Variants in SUPT3H observed in about 807,000 individuals in gnomAD.
The protein encoded by SUPT3H is SPT3 homolog, SAGA and STAGA complex component.
In SUPT3H, 44 loss-of-function variants were observed where a neutral mutation model predicts 44.3. The observed-to-expected ratio is 0.99, with a 90% CI of 0.78 to 1.28. SUPT3H has a LOEUF of 1.28. SUPT3H is among the 50% of genes most tolerant of loss of function. SUPT3H has a pLI of 0.00. For missense variants in SUPT3H, 380 were observed against 387.1 expected (o/e 0.98, Z 0.15); for synonymous variants, 124 against 125.6 (o/e 0.99, Z 0.09).
intron 10 of SUPT3H, among the ~76,000 whole-genome samples, chr6:44,931,817 A>T (rs2153461347): frequency 6.6e-6 from 1 of 152,310 alleles, no homozygotes; most frequent in South Asian, 2.1e-4. Flanking sequence ...TTTTATGAAT[A>T]GTAAAATCCA....
rs1191567770 is a variant in SUPT3H, at chr6:45,218,261, A to G, written c.102-112255T>C. On this transcript the variant is annotated intron_variant, in intron 2 of 10. Coordinates refer to ENST00000371459, the MANE Select transcript of SUPT3H (RefSeq NM_003599.4). ...AGAAAATTACTAAACATGAGAAAAGATATTATATAATGATCAAAGGAGCAA... is the reference window on the plus strand; with the variant it reads ...AGAAAATTACTAAACATGAGAAAAGGTATTATATAATGATCAAAGGAGCAA... 3.3e-5 allele frequency among the ~76,000 whole-genome samples: 5 copies of G among 152,302 alleles called. No individual in the cohort carries two copies. The East Asian group carries it at 5.8e-4, about 18-fold the overall frequency.
intron 8 of SUPT3H, 25 bp downstream of exon 8, chr6:44,954,470 C>T (rs752587996): frequency 6.5e-6 from 10 of 1,547,848 alleles, no homozygotes; most frequent in Non-Finnish European, 8.9e-6. Flanking sequence ...CAGTGTGGCC[C>T]GATATGACAG....
At chr6:45,086,719 C>G (rs913521483) in intron 3 of SUPT3H, among the ~76,000 whole-genome samples, 1 of 151,866 alleles carries the variant, frequency 6.6e-6, no homozygotes, top group African/African-American at 2.4e-5. Flanking sequence ...AATGATGTCA[C>G]AGGAGTAACC....
intron 6 of SUPT3H, among the ~76,000 whole-genome samples, chr6:44,983,409 CA>C (rs1779369063): frequency 6.6e-6 from 1 of 152,010 alleles, no homozygotes; most frequent in African/African-American, 2.4e-5. Flanking sequence ...CTAATGAAGG[CA>C]GTGTGTACCT....
At chr6:45,091,776 A>G (rs898349924) in intron 3 of SUPT3H, among the ~76,000 whole-genome samples, 1 of 152,114 alleles carries the variant, frequency 6.6e-6, no homozygotes, top group African/African-American at 2.4e-5. Context: ...AAATTATGGA[A>G]TCTTTATATA....
chr6:45,100,430 G>A (rs1798386716), intron 3 of SUPT3H, among the ~76,000 whole-genome samples: 1 of 149,846 alleles, frequency 6.7e-6, no homozygotes, highest in African/African-American at 2.5e-5. Flanking sequence ...AGACACAGTT[G>A]GGTGCAGTGA....
chr6:45,020,683 T>C (rs1785002231), intron 3 of SUPT3H, 51 bp from the exon 4 acceptor site: 13 of 1,334,518 alleles, frequency 9.7e-6, no homozygotes, highest in Non-Finnish European at 1.3e-5. Flanking sequence ...AAATTATATA[T>C]AGTACAGTCA....
downstream of SUPT3H, among the ~76,000 whole-genome samples, chr6:44,824,086 T>C (rs1767561139): frequency 6.6e-6 from 1 of 152,246 alleles, no homozygotes; most frequent in Admixed American, 6.5e-5. Flanking sequence ...CTTGGTATCT[T>C]CCTGTGGGAT....
intron 3 of SUPT3H, among the ~76,000 whole-genome samples, chr6:45,100,539 C>CT (rs1345709238): frequency 2.3e-4 from 3 of 12,822 alleles, no homozygotes; most frequent in African/African-American, 7.8e-4. Context: ...AGACCCTGTA[C>CT]TTAAAAAAAA....
At chr6:45,353,669 G>A (rs1447407034) in intron 2 of SUPT3H, among the ~76,000 whole-genome samples, 1 of 151,968 alleles carries the variant, frequency 6.6e-6, no homozygotes, top group East Asian at 1.9e-4. Context: ...AATATGAAAT[G>A]TAAGAAAGTG....
intron 2 of SUPT3H, among the ~76,000 whole-genome samples, chr6:45,259,381 G>C (rs1197825716): frequency 6.6e-6 from 1 of 152,046 alleles, no homozygotes; most frequent in African/African-American, 2.4e-5. Context: ...TAAAGGGCTA[G>C]GCAGAGTTAT....
intron 2 of SUPT3H, among the ~76,000 whole-genome samples, chr6:45,173,436 C>T (rs1811159098): frequency 6.6e-6 from 1 of 152,198 alleles, no homozygotes; most frequent in Non-Finnish European, 1.5e-5. Context: ...ATTTAATCTA[C>T]AAAACTAGTG....
At chr6:45,326,855 C>T (rs1263005625) in intron 2 of SUPT3H, among the ~76,000 whole-genome samples, 8 of 151,918 alleles carry the variant, frequency 5.3e-5, no homozygotes, top group Non-Finnish European at 1.2e-4. Context: ...TTGTAATTCA[C>T]TGTCTCCGCC....
chr6:45,231,038 C>T (rs1056141052), intron 2 of SUPT3H, among the ~76,000 whole-genome samples: 10 of 152,066 alleles, frequency 6.6e-5, no homozygotes, highest in Admixed American at 5.2e-4. Flanking sequence ...GGTTTTTCCC[C>T]GTCACCTTGT....
intron 2 of SUPT3H, among the ~76,000 whole-genome samples, chr6:45,191,656 T>C (rs1055912926): frequency 7.4e-6 from 1 of 135,854 alleles, no homozygotes; most frequent in Non-Finnish European, 1.6e-5. Context: ...AGCTCAATTC[T>C]TCTGTAAACA....
intron 2 of SUPT3H, among the ~76,000 whole-genome samples, chr6:45,208,859 TGTTAGGGG>T (rs1763629277): frequency 8.3e-5 from 2 of 24,196 alleles, no homozygotes; most frequent in Non-Finnish European, 1.4e-4. Flanking sequence ...CTGACCCTCT[TGTTAGGGG>T]CTCATGAGGC....
intron 2 of SUPT3H, among the ~76,000 whole-genome samples, chr6:45,342,408 C>T (rs899710147): frequency 3.9e-5 from 6 of 152,096 alleles, no homozygotes; most frequent in South Asian, 2.1e-4. Flanking sequence ...ACTACAGGTG[C>T]GCACCACCAC....
At chr6:44,870,565 C>T (rs558829566) in intron 10 of SUPT3H, among the ~76,000 whole-genome samples, 6 of 147,446 alleles carry the variant, frequency 4.1e-5, no homozygotes, top group Non-Finnish European at 8.9e-5. Flanking sequence ...TGCTACTATA[C>T]TCCAGCCTGG....
In SUPT3H at chr6:45,290,455, TC is replaced by T. The variant is rs1263541513; in HGVS notation, c.101+74745del. 2.5e-3 allele frequency among the ~76,000 whole-genome samples: 216 copies of T among 85,924 alleles called. 6 individuals are homozygous for T. The highest frequency in any genetic ancestry group is 7.4e-3 in the African/African-American group (148 of 19,868). The allele number at this position is 85,924 out of a possible 152,430, so 56.4% of individuals were successfully genotyped here. A position where few individuals can be genotyped will look rare whatever the true frequency, so the allele number is the denominator to read the frequency against. ...TGGAAAAAGATCAGGGCATGGATGA[TC>T]AAAAAAAAAAAAAAAAAGCAGAGGG... On this transcript the variant is annotated intron_variant, in intron 2 of 10. Coordinates refer to ENST00000371459, the MANE Select transcript of SUPT3H (RefSeq NM_003599.4).
Sources: gnomAD v4.1 joint callset for allele counts (sites outside exome capture counted in the v4.1 genomes callset) on GRCh38, gnomAD v4.1.1 for gene constraint, MANE v1.5 for transcripts, NCBI Gene and HGNC (gene_info 2026-07-23, HGNC 2026-07-21) for gene names.